The following SPDYE10 variants were observed in gnomAD, a reference collection of about 807,000 sequenced individuals.
SPDYE10 encodes the protein speedy protein E10.
At chr7:73,127,652 A>C in the SPDYE10 span, among the ~76,000 whole-genome samples, 7 of 129,534 alleles carry the variant, frequency 5.4e-5, no homozygotes, top group Admixed American at 1.6e-4. Flanking sequence ...AAAAAAAAAA[A>C]AAAACAGGCA....
chr7:73,113,776 C>G, the SPDYE10 span, among the ~76,000 whole-genome samples: 2 of 152,022 alleles, frequency 1.3e-5, no homozygotes, highest in African/African-American at 4.9e-5. Flanking sequence ...TGGCTCATGC[C>G]TGTAATCCCA....
the SPDYE10 span, among the ~76,000 whole-genome samples, chr7:73,141,324 G>A: frequency 2.7e-5 from 4 of 150,800 alleles, no homozygotes; most frequent in African/African-American, 4.9e-5. Flanking sequence ...GATCACCTGC[G>A]GTCAGGAGTT....
the SPDYE10 span, among the ~76,000 whole-genome samples, chr7:73,142,580 G>A: frequency 1.3e-5 from 2 of 152,186 alleles, no homozygotes; most frequent in African/African-American, 4.8e-5. Flanking sequence ...AAGAAATAAA[G>A]TCTAGGCTTA....
the SPDYE10 span, among the ~76,000 whole-genome samples, chr7:73,115,358 C>G: frequency 1.3e-5 from 2 of 152,064 alleles, no homozygotes; most frequent in African/African-American, 2.4e-5. Flanking sequence ...AATCCTCACA[C>G]TACTGTGTTC....
chr7:73,123,780 T>TCTCTCCCC, the SPDYE10 span, among the ~76,000 whole-genome samples: 126 of 147,588 alleles, frequency 8.5e-4, no homozygotes, highest in African/African-American at 3.2e-3. Flanking sequence ...TCTCTCTCTC[T>TCTCTCCCC]CTCTCTCCCT....
At chr7:73,123,678 G>A in the SPDYE10 span, among the ~76,000 whole-genome samples, 1 of 152,008 alleles carries the variant, frequency 6.6e-6, no homozygotes, top group African/African-American at 2.4e-5. Flanking sequence ...GGCTGGTTTT[G>A]AACTCCTGAC....
the SPDYE10 span, among the ~76,000 whole-genome samples, chr7:73,132,246 AC>A: frequency 7.0e-6 from 1 of 142,052 alleles, no homozygotes; most frequent in Admixed American, 7.2e-5. Flanking sequence ...TGCAAGAGGG[AC>A]CCAAGAGCTA....
chr7:73,117,602 C>CT, the SPDYE10 span, among the ~76,000 whole-genome samples: 2 of 117,408 alleles, frequency 1.7e-5, no homozygotes, highest in Non-Finnish European at 3.5e-5. Context: ...CTAGGATTTG[C>CT]TTTAAAACAT....
At chr7:73,142,980 G>A in the SPDYE10 span, among the ~76,000 whole-genome samples, 200 of 93,672 alleles carry the variant, frequency 2.1e-3, no homozygotes, top group East Asian at 0.035. Flanking sequence ...GGGAGGGAGG[G>A]AGGAAGGAAG....
the SPDYE10 span, among the ~76,000 whole-genome samples, chr7:73,128,169 C>G: frequency 6.6e-6 from 1 of 152,070 alleles, no homozygotes; most frequent in Non-Finnish European, 1.5e-5. Context: ...TTATAGTCTA[C>G]GTAGTATCAA....
chr7:73,137,646 A>C, the SPDYE10 span, among the ~76,000 whole-genome samples: 4 of 121,630 alleles, frequency 3.3e-5, no homozygotes, highest in Non-Finnish European at 7.0e-5. Flanking sequence ...AAGAAAGGAG[A>C]AAGAAAGAAA....
At chr7:73,124,822 G>A in the SPDYE10 span, among the ~76,000 whole-genome samples, 1 of 141,598 alleles carries the variant, frequency 7.1e-6, no homozygotes, top group Admixed American at 6.9e-5. Context: ...TACTCAGGAG[G>A]CTGAATCAGG....
chr7:73,143,030 G>GGAAA, the SPDYE10 span, among the ~76,000 whole-genome samples: 3 of 138,198 alleles, frequency 2.2e-5, no homozygotes, highest in Non-Finnish European at 4.7e-5. Flanking sequence ...AAGGAAGGAA[G>GGAAA]GAAAGAAGGA....
chr7:73,125,086 T>G, the SPDYE10 span, among the ~76,000 whole-genome samples: 1 of 132,614 alleles, frequency 7.5e-6, no homozygotes, highest in Admixed American at 7.2e-5. Flanking sequence ...CTACCCACCC[T>G]CCTAGTGGCA....
At chr7:73,123,853 G>A in the SPDYE10 span, among the ~76,000 whole-genome samples, 1 of 140,428 alleles carries the variant, frequency 7.1e-6, no homozygotes, top group African/African-American at 2.7e-5. Context: ...GGTGCGATCT[G>A]GGCTTACTAC....
At chr7:73,114,456 T>C in the SPDYE10 span, among the ~76,000 whole-genome samples, 3 of 150,156 alleles carry the variant, frequency 2.0e-5, no homozygotes, top group African/African-American at 7.3e-5. Context: ...TTCAAATCTC[T>C]GCCAACACCG....
At chr7:73,114,983 G>A in the SPDYE10 span, among the ~76,000 whole-genome samples, 40 of 149,848 alleles carry the variant, frequency 2.7e-4, no homozygotes, top group Non-Finnish European at 2.8e-4. Context: ...TGCAACCTCC[G>A]CCTCCCGGGT....
the SPDYE10 span, among the ~76,000 whole-genome samples, chr7:73,115,250 C>A: frequency 6.6e-6 from 1 of 152,154 alleles, no homozygotes; most frequent in East Asian, 1.9e-4. Context: ...CTCTTCCACT[C>A]TCTCTACATC....
the SPDYE10 span, among the ~76,000 whole-genome samples, chr7:73,110,299 TAA>T: frequency 6.9e-6 from 1 of 144,144 alleles, no homozygotes; most frequent in Admixed American, 6.9e-5. Context: ...TAAGAAACAT[TAA>T]GTTTCAGAGG....
Sources: gnomAD v4.1 joint callset for allele counts (sites outside exome capture counted in the v4.1 genomes callset) on GRCh38, gnomAD v4.1.1 for gene constraint, MANE v1.5 for transcripts, NCBI Gene and HGNC (gene_info 2026-07-23, HGNC 2026-07-21) for gene names.